Variants in VPS13A observed in about 807,000 individuals in gnomAD.
VPS13A encodes the protein vacuolar protein sorting 13 homolog A.
A neutral mutation model predicts 390.9 loss-of-function variants in VPS13A; 264 were observed. The observed-to-expected ratio is 0.68, with a 90% CI of 0.61 to 0.75. VPS13A has a LOEUF of 0.75. Among genes scored for constraint, VPS13A ranks in the 30% least tolerant of loss-of-function variants. The pLI is 0.00. For missense variants in VPS13A, 3,409 were observed against 3,733.9 expected, an observed-to-expected ratio of 0.91 and a Z score of 2.27; for synonymous variants, 1,231 against 1,227.1, an observed-to-expected ratio of 1.00 and a Z score of -0.07.
Position 77,369,284 on chromosome 9 carries a change from A to G in VPS13A, c.8554-15A>G. The G allele has an allele frequency of 6.5e-7, 1 of 1,538,114 alleles. No homozygotes were observed. Among genetic ancestry groups the G allele is most frequent in the Non-Finnish European group, 9.0e-7 (1 of 1,110,756 alleles). On this transcript the variant is annotated splice_polypyrimidine_tract_variant and intron_variant, in intron 62 of 71. Transcript: ENST00000360280. ...TAATTATCTGAATTGATTAATGTTC[A>G]TATTTTATTTTTAGGCCATTAAGCA...
chr9:77,390,293 CAAAT>C (rs1195243507), intron 68 of VPS13A, among the ~76,000 whole-genome samples: 2 of 152,100 alleles, frequency 1.3e-5, no homozygotes, highest in Non-Finnish European at 2.9e-5. Flanking sequence ...CTTAGCATCT[CAAAT>C]AAAGCAGATT....
Position 77,177,588 on chromosome 9 carries a change from C to A in VPS13A, c.-117C>A, listed in dbSNP as rs965484456. ...CTGCGCGTTGGGCCAGCGGGGGCGC[C>A]GCAGCTGAAGCCGCCCCGGAGCCGG... On this transcript the variant is annotated 5_prime_UTR_variant, in exon 1 of 72. Transcript: ENST00000360280. The A allele has an allele frequency of 5.3e-6, 5 of 937,310 alleles. No individual in the cohort carries two copies. Among genetic ancestry groups the A allele is most frequent in the Admixed American group, 2.0e-5 (1 of 50,284 alleles). The allele number at this position is 937,310 out of a possible 1,614,324, so 58.1% of individuals were successfully genotyped here.
chr9:77,411,040 A>C (rs2131666371), intron 71 of VPS13A, among the ~76,000 whole-genome samples: 1 of 152,320 alleles, frequency 6.6e-6, no homozygotes, highest in East Asian at 1.9e-4. Context: ...AGTTGGAAGT[A>C]AAGCACTCCT....
chr9:77,368,277 A>C, intron 62 of VPS13A, 141 bp downstream of exon 62: 1 of 735,542 alleles, frequency 1.4e-6, no homozygotes, highest in South Asian at 2.0e-5. Context: ...TTTCCTCAGA[A>C]TTATAAAAAG....
At chr9:77,405,368 T>C (rs978897674) in intron 69 of VPS13A, among the ~76,000 whole-genome samples, 3 of 152,222 alleles carry the variant, frequency 2.0e-5, no homozygotes, top group Non-Finnish European at 2.9e-5. Flanking sequence ...GCGTTAATTA[T>C]ATGAAAGTTC....
Position 77,309,452 on chromosome 9 carries a change from C to A in VPS13A, c.4114+1354C>A, listed in dbSNP as rs117089140. On this transcript the variant is annotated intron_variant, in intron 35 of 71. Transcript: ENST00000360280. Reference sequence around the variant, plus strand: ...TATCTGCAGGGAATATGTTCCAAGACCCGTCGATGCCTGAAACTTTGGGTA... The same window carrying A: ...TATCTGCAGGGAATATGTTCCAAGAACCGTCGATGCCTGAAACTTTGGGTA... Among the ~76,000 whole-genome samples, 1,284 of 152,248 alleles carry A rather than the reference C, an allele frequency of 8.4e-3. 10 individuals carry two copies. Among genetic ancestry groups the A allele is most frequent in the South Asian group, 0.014 (66 of 4,812 alleles).
chr9:77,202,172 T>C (rs1333761885), intron 3 of VPS13A, among the ~76,000 whole-genome samples: 1 of 152,156 alleles, frequency 6.6e-6, no homozygotes, highest in Non-Finnish European at 1.5e-5. Flanking sequence ...TTCATAATTA[T>C]GTGTACTTAT....
intron 31 of VPS13A, among the ~76,000 whole-genome samples, chr9:77,287,267 C>T (rs1215808686): frequency 2.6e-5 from 4 of 151,074 alleles, no homozygotes; most frequent in African/African-American, 7.3e-5. Flanking sequence ...ATCACACAAT[C>T]ACAGCTCACT....
At chr9:77,303,673 T>C (rs1419645456) in intron 34 of VPS13A, among the ~76,000 whole-genome samples, 1 of 152,052 alleles carries the variant, frequency 6.6e-6, no homozygotes, top group Non-Finnish European at 1.5e-5. Flanking sequence ...AAGGAGAAGG[T>C]CAGCAAAAAA....
intron 3 of VPS13A, among the ~76,000 whole-genome samples, chr9:77,202,480 A>G (rs1295229939): frequency 1.3e-5 from 2 of 152,034 alleles, no homozygotes; most frequent in African/African-American, 4.8e-5. Context: ...AGTTGATTTG[A>G]TCTCATTTAT....
At chr9:77,198,528 C>G (rs1344524427) in intron 1 of VPS13A, among the ~76,000 whole-genome samples, 1 of 151,974 alleles carries the variant, frequency 6.6e-6, no homozygotes, top group East Asian at 1.9e-4. Flanking sequence ...GCCCAGGTAT[C>G]TTTGCTCTTT....
chr9:77,354,197 T>C (rs1436634860), intron 54 of VPS13A, among the ~76,000 whole-genome samples: 1 of 152,126 alleles, frequency 6.6e-6, no homozygotes, highest in Non-Finnish European at 1.5e-5. Context: ...ATATTTCTTC[T>C]GTATAACCAG....
At chr9:77,319,103 G>A (rs572626914) in intron 41 of VPS13A, among the ~76,000 whole-genome samples, 97 of 150,546 alleles carry the variant, frequency 6.4e-4, no homozygotes, top group African/African-American at 2.2e-3. Flanking sequence ...TGAGGTGGAC[G>A]ATCACTTGAG....
Position 77,270,857 on chromosome 9 carries a change from G to A in VPS13A, c.2428-2423G>A, listed in dbSNP as rs140350530. Among the ~76,000 whole-genome samples the A allele has an allele frequency of 8.0e-3, 1,212 of 152,126 alleles. 10 individuals carry two copies. Among genetic ancestry groups the A allele is most frequent in the African/African-American group, 0.025 (1,056 of 41,484 alleles). On this transcript the variant is annotated intron_variant, in intron 23 of 71. Transcript: ENST00000360280. Reference sequence around the variant, plus strand: ...TAATTTCAACCCTTATCTTATATGCGGAATTTAACTTGAAGCATAGACCTA... The same window carrying A: ...TAATTTCAACCCTTATCTTATATGCAGAATTTAACTTGAAGCATAGACCTA...
chr9:77,348,236 A>G (rs151187377), intron 52 of VPS13A, among the ~76,000 whole-genome samples: 1,911 of 152,304 alleles, frequency 0.013, 41 homozygotes, highest in African/African-American at 0.044. Flanking sequence ...ATGCCCATCA[A>G]CGATAGACTG....
In VPS13A at chr9:77,318,653, A is replaced by G. The variant is rs138693074; in HGVS notation, c.5313+62A>G. On this transcript the variant is annotated intron_variant, in intron 41 of 71. Coordinates refer to ENST00000360280, the MANE Select transcript of VPS13A (RefSeq NM_033305.3). ...TACGTATGGAATATTATGACAGATA[A>G]TGATACATATGGAATATTATGGAAT... 1,646 of 1,299,760 alleles carry G rather than the reference A, an allele frequency of 1.3e-3. 22 individuals are homozygous for G. In the African/African-American group the frequency reaches 0.021, roughly 17 times the overall value. 80.5% of individuals were successfully genotyped at this position (1,299,760 alleles called of 1,614,324 possible).
In VPS13A at chr9:77,218,144, T is replaced by G. The variant is rs145774647; in HGVS notation, c.755-1810T>G. ...TTTTTTTTTTTTGGAGACAGAGTCT[T>G]GCTCTGTCTCCCGGGCTGGAGTGCA... On this transcript the variant is annotated intron_variant, in intron 10 of 71. Coordinates refer to ENST00000360280, the MANE Select transcript of VPS13A (RefSeq NM_033305.3). 5.2e-3 allele frequency among the ~76,000 whole-genome samples: 771 copies of G among 147,870 alleles called. 12 individuals are homozygous for G. Among genetic ancestry groups the G allele is most frequent in the African/African-American group, 0.019 (747 of 39,778 alleles).
intron 1 of VPS13A, among the ~76,000 whole-genome samples, chr9:77,181,890 ACT>A (rs1225362342): frequency 6.6e-6 from 1 of 152,018 alleles, no homozygotes; most frequent in Admixed American, 6.6e-5. Context: ...CTGCTAGAAG[ACT>A]CTGTCTTACA....
At chr9:77,207,252 T>TATAA in intron 5 of VPS13A, among the ~76,000 whole-genome samples, 1,104 of 87,210 alleles carry the variant, frequency 0.013, 134 homozygotes, top group Admixed American at 0.078. Flanking sequence ...TATATATATA[T>TATAA]AAAACGTGTT....
Sources: allele counts gnomAD v4.1 joint callset (sites outside exome capture counted in the v4.1 genomes callset), GRCh38; gene constraint gnomAD v4.1.1; transcripts MANE v1.5; gene names NCBI Gene and HGNC (gene_info 2026-07-23, HGNC 2026-07-21).